The following RBFOX1 variants were observed in gnomAD, a reference collection of about 807,000 sequenced individuals.
The protein encoded by RBFOX1 is RNA binding fox-1 homolog 1.
In RBFOX1, 8 loss-of-function variants were observed where a neutral mutation model predicts 57.7. The ratio of observed to expected loss-of-function variants is 0.14; its 90% CI spans 0.08 to 0.25. The LOEUF is 0.25. Among genes scored for constraint, RBFOX1 ranks in the 10% least tolerant of loss-of-function variants. The pLI, the probability that RBFOX1 is intolerant of heterozygous loss-of-function variation, is 1.00. For synonymous variants in RBFOX1, 326 were observed against 222.4 expected, an observed-to-expected ratio of 1.47 and a Z score of -4.15; for missense variants, 611 against 548.5, an observed-to-expected ratio of 1.11 and a Z score of -1.14.
chr16:6,765,065 C>G (rs886144990), intron 3 of RBFOX1, among the ~76,000 whole-genome samples: 4 of 151,830 alleles, frequency 2.6e-5, no homozygotes, highest in African/African-American at 9.7e-5. Flanking sequence ...AAGCAGAAAT[C>G]TAAAGTCCTA....
intron 4 of RBFOX1, among the ~76,000 whole-genome samples, chr16:7,287,586 G>A (rs1009819113): frequency 6.6e-6 from 1 of 152,112 alleles, no homozygotes; most frequent in Non-Finnish European, 1.5e-5. Flanking sequence ...AATGGAAGAA[G>A]ATAAAACCTT....
At chr16:6,918,440 C>G (rs376349894) in intron 3 of RBFOX1, among the ~76,000 whole-genome samples, 1 of 152,256 alleles carries the variant, frequency 6.6e-6, no homozygotes, top group East Asian at 1.9e-4. Flanking sequence ...AGGAAGACTT[C>G]ATACATGCAG....
chr16:7,047,270 C>G (rs1345371495), intron 3 of RBFOX1, among the ~76,000 whole-genome samples: 1 of 152,098 alleles, frequency 6.6e-6, no homozygotes, highest in Non-Finnish European at 1.5e-5. Context: ...TAGTTACTTT[C>G]ATATTTCACC....
At chr16:5,983,927 C>CCCTCCTCCTCCCCCTCCTCCTCCTCCT (rs1567220197) in intron 4 of RBFOX1, among the ~76,000 whole-genome samples, 1 of 143,200 alleles carries the variant, frequency 7.0e-6, no homozygotes, top group Non-Finnish European at 1.5e-5. Flanking sequence ...CTCCTCCTCC[C>CCCTCCTCCTCCCCCTCCTCCTCCTCCT]CCTCCTCCTC....
chr16:7,109,275 A>T (rs1486460093), intron 4 of RBFOX1, among the ~76,000 whole-genome samples: 1 of 152,220 alleles, frequency 6.6e-6, no homozygotes. Context: ...AAACGTCTAC[A>T]AAGGTTGCTA....
intron 4 of RBFOX1, among the ~76,000 whole-genome samples, chr16:5,964,406 A>G (rs544799288): frequency 3.9e-5 from 6 of 152,302 alleles, no homozygotes; most frequent in African/African-American, 9.6e-5. Flanking sequence ...TATAAATCCA[A>G]AGGAAATAAA....
intron 9 of RBFOX1, among the ~76,000 whole-genome samples, chr16:7,602,583 G>A (rs542689854): frequency 6.6e-6 from 1 of 152,142 alleles, no homozygotes; most frequent in African/African-American, 2.4e-5. Context: ...TCTCCAGCAG[G>A]GTTATCCCAA....
chr16:5,580,149 G>A (rs1016649460), intron 2 of RBFOX1, among the ~76,000 whole-genome samples: 6 of 152,150 alleles, frequency 3.9e-5, no homozygotes, highest in African/African-American at 9.7e-5. Flanking sequence ...TGCCTCCCTC[G>A]TTCCCAGCTG....
At chr16:7,547,799 A>C (rs2152521298) in intron 5 of RBFOX1, among the ~76,000 whole-genome samples, 1 of 152,372 alleles carries the variant, frequency 6.6e-6, no homozygotes, top group South Asian at 2.1e-4. Flanking sequence ...GGCTAGCATG[A>C]AGGTGAAACC....
At chr16:5,715,891 T>C (rs2051680176) in intron 3 of RBFOX1, among the ~76,000 whole-genome samples, 2 of 152,170 alleles carry the variant, frequency 1.3e-5, no homozygotes, top group Non-Finnish European at 2.9e-5. Context: ...ATTTGTTGAG[T>C]GGTGCAGTGT....
At chr16:6,644,244 A>C (rs186535092) in intron 2 of RBFOX1, among the ~76,000 whole-genome samples, 202 of 152,326 alleles carry the variant, frequency 1.3e-3, no homozygotes, top group Admixed American at 2.9e-3. Context: ...ACAATAGGCA[A>C]TGTAAGCATG....
intron 4 of RBFOX1, 70 bp from the exon 5 acceptor site, chr16:7,518,077 G>A (rs1366853455): frequency 1.9e-6 from 3 of 1,539,596 alleles, no homozygotes; most frequent in Non-Finnish European, 2.6e-6. Context: ...CCTGGGATCT[G>A]GGAGGAAGGT....
Position 7,509,766 on chromosome 16 carries a change from C to A in RBFOX1, c.28-8381C>A, listed in dbSNP as rs74010541. Reference sequence around the variant, plus strand: ...ATCTCTTTAAACTTTTTTCATCCATCCTCTGTCTCTTCCCTTTTATCCCTG... The same window carrying A: ...ATCTCTTTAAACTTTTTTCATCCATACTCTGTCTCTTCCCTTTTATCCCTG... On this transcript the variant is annotated intron_variant, in intron 4 of 15. Coordinates refer to ENST00000550418, the MANE Select transcript of RBFOX1 (RefSeq NM_018723.4). Among the ~76,000 whole-genome samples the A allele has an allele frequency of 1.4e-3, 218 of 152,190 alleles. 1 individual carries two copies. Among genetic ancestry groups the A allele is most frequent in the African/African-American group, 5.2e-3 (215 of 41,528 alleles).
chr16:5,636,610 G>T (rs964419426), intron 3 of RBFOX1, among the ~76,000 whole-genome samples: 3 of 152,122 alleles, frequency 2.0e-5, no homozygotes, highest in Admixed American at 1.3e-4. Context: ...GGCAGCTACT[G>T]TGGCACATAG....
At chr16:5,307,621 C>T (rs763393902) in intron 1 of RBFOX1, among the ~76,000 whole-genome samples, 7 of 152,136 alleles carry the variant, frequency 4.6e-5, no homozygotes, top group Non-Finnish European at 8.8e-5. Context: ...GAATTGTGCA[C>T]ACATGTGCAC....
intron 3 of RBFOX1, among the ~76,000 whole-genome samples, chr16:6,713,052 C>T (rs903820802): frequency 2.5e-4 from 38 of 151,954 alleles, no homozygotes; most frequent in African/African-American, 8.9e-4. Flanking sequence ...GATTGTGAGG[C>T]CTCCCCAGCC....
At chr16:6,208,858 C>G (rs901843238) in intron 1 of RBFOX1, among the ~76,000 whole-genome samples, 1 of 152,100 alleles carries the variant, frequency 6.6e-6, no homozygotes, top group Admixed American at 6.5e-5. Context: ...GTGGTTTTCC[C>G]CAGTCCCCAC....
intron 4 of RBFOX1, among the ~76,000 whole-genome samples, chr16:7,065,327 G>A (rs888528917): frequency 6.6e-6 from 1 of 152,000 alleles, no homozygotes; most frequent in Non-Finnish European, 1.5e-5. Flanking sequence ...GCTTTCTTCA[G>A]GTGCACGTCT....
intron 3 of RBFOX1, among the ~76,000 whole-genome samples, chr16:7,043,830 A>G (rs2046986288): frequency 6.6e-6 from 1 of 152,158 alleles, no homozygotes; most frequent in Non-Finnish European, 1.5e-5. Flanking sequence ...CAATTACTGC[A>G]CTTCCATAAT....
Sources: gnomAD v4.1 joint callset for allele counts (sites outside exome capture counted in the v4.1 genomes callset) on GRCh38, gnomAD v4.1.1 for gene constraint, MANE v1.5 for transcripts, NCBI Gene and HGNC (gene_info 2026-07-23, HGNC 2026-07-21) for gene names.